The following FRMPD4 variants were observed in gnomAD, a reference collection of about 807,000 sequenced individuals.
FRMPD4 encodes the protein FERM and PDZ domain-containing protein 4.
FRMPD4 carries 22 observed loss-of-function variants against 94.1 expected under a neutral mutation model. That is an observed-to-expected ratio of 0.23 (90% CI 0.17 to 0.33). The LOEUF (loss-of-function observed/expected upper bound fraction) is 0.33, where lower values mean the gene tolerates loss of function less well. Ranked by LOEUF, FRMPD4 falls within the 10% of genes least tolerant of loss-of-function variation. The pLI is 1.00. For missense variants in FRMPD4, 1,111 were observed against 1,339.9 expected (o/e 0.83, Z 2.67); for synonymous variants, 631 against 548.6 (o/e 1.15, Z -2.10).
At chrX:12,330,202 CA>C (rs2055350542) in intron 1 of FRMPD4, among the ~76,000 whole-genome samples, 1 of 111,028 alleles carries the variant, frequency 9.0e-6, no homozygotes, top group Non-Finnish European at 1.9e-5. Context: ...TGACTTTGGA[CA>C]CAGCACTTCA....
intron 2 of FRMPD4, among the ~76,000 whole-genome samples, chrX:12,553,466 A>ATATATATATATATCTATC (rs368999462): frequency 3.8e-5 from 3 of 78,093 alleles, no homozygotes; most frequent in Admixed American, 1.6e-4. Flanking sequence ...ATATATATAT[A>ATATATATATATATCTATC]TCTAATCCAC....
intron 3 of FRMPD4, among the ~76,000 whole-genome samples, chrX:11,942,022 G>T (rs1015881530): frequency 2.7e-5 from 3 of 111,885 alleles, no homozygotes; most frequent in Non-Finnish European, 5.6e-5. Flanking sequence ...ATAGACAAAG[G>T]TTAAAGAAAT....
At chrX:12,344,318 A>G (rs751665351) in intron 1 of FRMPD4, among the ~76,000 whole-genome samples, 1 of 111,397 alleles carries the variant, frequency 9.0e-6, no homozygotes, top group Admixed American at 9.5e-5. Context: ...CTCACTGCAA[A>G]ACTTTCCCCT....
chrX:12,390,169 G>T (rs1478213915), intron 1 of FRMPD4, among the ~76,000 whole-genome samples: 1 of 112,380 alleles, frequency 8.9e-6, no homozygotes, highest in Non-Finnish European at 1.9e-5. Flanking sequence ...TCAAAAGTAG[G>T]TTCCCAAAAC....
intron 1 of FRMPD4, among the ~76,000 whole-genome samples, chrX:12,263,662 G>T (rs2054229108): frequency 9.0e-6 from 1 of 111,496 alleles, no homozygotes; most frequent in Admixed American, 9.5e-5. Context: ...AGCTATAGAG[G>T]TGAGAAGTGG....
intron 1 of FRMPD4, among the ~76,000 whole-genome samples, chrX:12,345,768 C>G (rs1323848789): frequency 3.6e-5 from 4 of 111,944 alleles, no homozygotes; most frequent in African/African-American, 1.3e-4. Flanking sequence ...CTATTCACAT[C>G]TCATAAAACA....
chrX:11,983,796 A>C (rs916344141), intron 3 of FRMPD4, among the ~76,000 whole-genome samples: 1 of 111,780 alleles, frequency 8.9e-6, no homozygotes, highest in Non-Finnish European at 1.9e-5. Context: ...AAAAATAAAA[A>C]ATATTAACTT....
chrX:11,863,734 G>A (rs1253986649), intron 1 of FRMPD4, among the ~76,000 whole-genome samples: 1 of 111,847 alleles, frequency 8.9e-6, no homozygotes, highest in Non-Finnish European at 1.9e-5. Context: ...GAGGTAAAAA[G>A]AATTGATGTC....
rs201171637 is a variant in FRMPD4 at position 12,263,789 on chromosome X, GA to G, written c.41+124790del. ...CAGAATACCACAGACTGCATAACTT[GA>G]AAAAAAAAAAAATTTTTCACAGCTC... is the stretch of plus-strand genomic sequence containing the variant. On this transcript the variant is annotated intron_variant, in intron 1 of 16. Coordinates refer to ENST00000675598, the MANE Select transcript of FRMPD4 (RefSeq NM_001368397.1). Among the ~76,000 whole-genome samples the G allele has an allele frequency of 6.6e-3, 675 of 102,496 alleles. 5 individuals carry two copies. The highest frequency in any genetic ancestry group is 0.02 in the African/African-American group (565 of 28,152). 89.0% of individuals were successfully genotyped at this position (102,496 alleles called of 115,157 possible).
intron 1 of FRMPD4, among the ~76,000 whole-genome samples, chrX:12,314,946 T>G (rs2147913748): frequency 8.9e-6 from 1 of 112,297 alleles, no homozygotes; most frequent in East Asian, 2.8e-4. Flanking sequence ...CTGGGTTGCC[T>G]AAAGAAACAT....
intron 3 of FRMPD4, among the ~76,000 whole-genome samples, chrX:12,125,193 T>G (rs1310915530): frequency 8.9e-6 from 1 of 112,184 alleles, no homozygotes; most frequent in Non-Finnish European, 1.9e-5. Context: ...CAACACACTC[T>G]GATATAGCTC....
intron 2 of FRMPD4, among the ~76,000 whole-genome samples, chrX:12,515,563 G>C (rs1175103632): frequency 9.0e-6 from 1 of 111,730 alleles, no homozygotes; most frequent in Non-Finnish European, 1.9e-5. Context: ...AGGCTGTTAT[G>C]ATTTCAGTTG....
At chrX:12,318,338 CAACACAGTGAGACACTGTCTCT>C (rs369229507) in intron 1 of FRMPD4, among the ~76,000 whole-genome samples, 78 of 112,084 alleles carry the variant, frequency 7.0e-4, no homozygotes, top group Middle Eastern at 4.6e-3. Flanking sequence ...CCAGCCTAGG[CAACACAGTGAGACACTGTCTCT>C]ACAAAAAATG....
At position 12,655,302 on chromosome X, in the gene FRMPD4, G is replaced by A. The variant is rs184279677; in HGVS notation, c.423-19561G>A. ...CTAGAGAATGACTGCTGTGACGATT[G>A]TTCAGTGTGGTTTCATGTCCCTGAA... On this transcript the variant is annotated intron_variant, in intron 4 of 16. Coordinates refer to ENST00000675598, the MANE Select transcript of FRMPD4 (RefSeq NM_001368397.1). Among the ~76,000 whole-genome samples, 26 of 111,963 alleles carry A rather than the reference G, an allele frequency of 2.3e-4. No homozygotes were observed. In the East Asian group the frequency reaches 7.0e-3, roughly 30 times the overall value.
intron 1 of FRMPD4, among the ~76,000 whole-genome samples, chrX:12,328,545 A>C (rs2055323105): frequency 8.9e-6 from 1 of 112,473 alleles, no homozygotes; most frequent in Admixed American, 9.4e-5. Flanking sequence ...TAAGCCACTA[A>C]ATTTGGGGAT....
intron 1 of FRMPD4, among the ~76,000 whole-genome samples, chrX:12,189,658 A>G (rs2056466674): frequency 8.9e-6 from 1 of 111,867 alleles, no homozygotes; most frequent in African/African-American, 3.2e-5. Context: ...TACAGAGGAA[A>G]AGTCACATGA....
chrX:12,267,746 G>C (rs772092543), intron 1 of FRMPD4, among the ~76,000 whole-genome samples: 1 of 112,595 alleles, frequency 8.9e-6, no homozygotes, highest in Non-Finnish European at 1.9e-5. Context: ...CTGAGCAGAG[G>C]GGGAAAGGTT....
intron 1 of FRMPD4, among the ~76,000 whole-genome samples, chrX:12,243,441 C>G (rs1290010049): frequency 8.9e-6 from 1 of 112,467 alleles, no homozygotes; most frequent in Non-Finnish European, 1.9e-5. Flanking sequence ...AACATTTTCA[C>G]TGGCATACAT....
intron 2 of FRMPD4, among the ~76,000 whole-genome samples, chrX:12,596,089 G>A (rs1165489875): frequency 8.9e-6 from 1 of 111,896 alleles, no homozygotes; most frequent in African/African-American, 3.2e-5. Context: ...AGAGGCTGGT[G>A]AGAGTGACTG....
Sources: allele counts gnomAD v4.1 joint callset (sites outside exome capture counted in the v4.1 genomes callset), GRCh38; gene constraint gnomAD v4.1.1; transcripts MANE v1.5; gene names NCBI Gene and HGNC (gene_info 2026-07-23, HGNC 2026-07-21).